Variants in BTRC observed in about 807,000 individuals in gnomAD.
BTRC encodes the protein beta-transducin repeat containing E3 ubiquitin protein ligase.
In BTRC, 42 loss-of-function variants were observed where a neutral mutation model predicts 85.5. The observed-to-expected ratio is 0.49, with a 90% CI of 0.38 to 0.64. BTRC has a LOEUF of 0.64. Ranked by LOEUF, BTRC falls within the 30% of genes least tolerant of loss-of-function variation. BTRC has a pLI of 0.00. For synonymous variants in BTRC, 255 were observed against 263.3 expected (o/e 0.97, Z 0.30); for missense variants, 594 against 743.5 (o/e 0.80, Z 2.34).
intron 4 of BTRC, among the ~76,000 whole-genome samples, chr10:101,508,938 T>TAAAAAAAAAAAAAAAAAAAAAAA (rs1554890315): frequency 4.7e-5 from 5 of 106,546 alleles, no homozygotes; most frequent in Admixed American, 1.9e-4. Flanking sequence ...AAAAAAAAAC[T>TAAAAAAAAAAAAAAAAAAAAAAA]AAAAGTAGAA....
intron 6 of BTRC, among the ~76,000 whole-genome samples, chr10:101,529,560 T>C (rs1208057269): frequency 6.6e-6 from 1 of 152,214 alleles, no homozygotes; most frequent in African/African-American, 2.4e-5. Context: ...TACAGAGAAA[T>C]GTACCATTAA....
At chr10:101,368,754 C>T (rs1050399290) in intron 1 of BTRC, among the ~76,000 whole-genome samples, 141 of 152,186 alleles carry the variant, frequency 9.3e-4, no homozygotes, top group Middle Eastern at 3.4e-3. Context: ...TATAGTGGCT[C>T]ATGCCTGTAA....
chr10:101,481,102 G>GT (rs1945821393), intron 4 of BTRC, among the ~76,000 whole-genome samples: 1 of 151,860 alleles, frequency 6.6e-6, no homozygotes, highest in African/African-American at 2.4e-5. Context: ...TTGGTTTTCG[G>GT]TTTTTTAGAG....
chr10:101,532,923 G>A, intron 8 of BTRC, 29 bp from the exon 9 acceptor site: 1 of 1,539,912 alleles, frequency 6.5e-7, no homozygotes, highest in Non-Finnish European at 9.0e-7. Context: ...TCATCACATT[G>A]ATCAAAAGGA....
intron 2 of BTRC, among the ~76,000 whole-genome samples, chr10:101,438,334 A>G (rs1475535161): frequency 1.3e-5 from 2 of 148,672 alleles, no homozygotes; most frequent in African/African-American, 4.9e-5. Context: ...CTGAGGCAGG[A>G]GAATGGCATG....
At chr10:101,453,746 G>A (rs1945007054) in intron 2 of BTRC, among the ~76,000 whole-genome samples, 1 of 152,160 alleles carries the variant, frequency 6.6e-6, no homozygotes, top group Non-Finnish European at 1.5e-5. Flanking sequence ...CCTGCTGTGT[G>A]CTGCCATCAA....
chr10:101,547,328 C>CTTTTTTTTTTTT (rs71016332), intron 13 of BTRC, among the ~76,000 whole-genome samples: 2 of 79,636 alleles, frequency 2.5e-5, no homozygotes, highest in Non-Finnish European at 2.4e-5. Flanking sequence ...TATGGTTTTT[C>CTTTTTTTTTTTT]TTTTTTTTTT....
In BTRC at chr10:101,505,304, G is replaced by A. The variant is rs368657195; in HGVS notation, c.325-16335G>A. On this transcript the variant is annotated intron_variant, in intron 4 of 14. Transcript: ENST00000370187. Reference sequence around the variant, plus strand: ...CAGGCATGAGCCACCATGCCTGGCCGTTGACTAATACATTTTTAAATAAAC... The same window carrying A: ...CAGGCATGAGCCACCATGCCTGGCCATTGACTAATACATTTTTAAATAAAC... 1.6e-4 allele frequency among the ~76,000 whole-genome samples: 24 copies of A among 149,120 alleles called. No individual in the cohort carries two copies. In the East Asian group the frequency reaches 4.9e-3, roughly 31 times the overall value.
chr10:101,461,946 A>C, intron 2 of BTRC, 35 bp from the exon 3 acceptor site: 1 of 1,467,098 alleles, frequency 6.8e-7, no homozygotes, highest in Non-Finnish European at 9.5e-7. Context: ...ATTGAAGATA[A>C]TGAGAACTGA....
intron 5 of BTRC, among the ~76,000 whole-genome samples, chr10:101,523,206 AAAAT>A (rs527889719): frequency 4.6e-5 from 7 of 152,172 alleles, no homozygotes; most frequent in African/African-American, 7.2e-5. Flanking sequence ...TCCATCTCAG[AAAAT>A]AAATAAATAA....
intron 1 of BTRC, among the ~76,000 whole-genome samples, chr10:101,394,062 G>T (rs932081592): frequency 6.6e-6 from 1 of 152,152 alleles, no homozygotes; most frequent in African/African-American, 2.4e-5. Context: ...TTTATAGAAC[G>T]CAGACATTGT....
In BTRC at chr10:101,505,137, A is replaced by ATATGTATATG. The variant is rs1554889414; in HGVS notation, c.325-16501_325-16500insATGTATATGT. On this transcript the variant is annotated intron_variant, in intron 4 of 14. Transcript: ENST00000370187. ...TTTATATATATATATGTGTATATAT[A>ATATGTATATG]TGTATATATATATGTATATGTATAT... Among the ~76,000 whole-genome samples the ATATGTATATG allele has an allele frequency of 2.0e-3, 236 of 116,932 alleles. 4 individuals are homozygous for ATATGTATATG. In the East Asian group the frequency reaches 0.032, roughly 16 times the overall value. 76.7% of individuals were successfully genotyped at this position (116,932 alleles called of 152,430 possible).
In BTRC at chr10:101,411,639, T is replaced by G. The variant is rs186449051; in HGVS notation, c.49-18706T>G. 1.2e-4 allele frequency among the ~76,000 whole-genome samples: 19 copies of G among 152,274 alleles called. No homozygotes were observed. In the East Asian group the frequency reaches 3.5e-3, roughly 28 times the overall value. ...ATTCTGGAACTTTTTATTTCATTCT[T>G]TTTTTATACCCTACATCACTATGTT... On this transcript the variant is annotated intron_variant, in intron 1 of 14. Transcript: ENST00000370187.
At chr10:101,511,894 G>A (rs1005461716) in intron 4 of BTRC, among the ~76,000 whole-genome samples, 1 of 151,990 alleles carries the variant, frequency 6.6e-6, no homozygotes, top group African/African-American at 2.4e-5. Flanking sequence ...CAAGTGATCT[G>A]TCCGCCTCAG....
chr10:101,540,733 A>G (rs902301424), intron 13 of BTRC, among the ~76,000 whole-genome samples: 1 of 152,174 alleles, frequency 6.6e-6, no homozygotes, highest in African/African-American at 2.4e-5. Context: ...CTGGCCTCAA[A>G]TAGTACTCCT....
intron 2 of BTRC, among the ~76,000 whole-genome samples, chr10:101,440,097 CATT>C (rs1209640639): frequency 7.9e-5 from 12 of 152,104 alleles, no homozygotes; most frequent in African/African-American, 1.2e-4. Context: ...ATGGAAGAAA[CATT>C]ATGCTTATAT....
At chr10:101,381,825 T>G (rs1942935857) in intron 1 of BTRC, among the ~76,000 whole-genome samples, 1 of 152,054 alleles carries the variant, frequency 6.6e-6, no homozygotes, top group South Asian at 2.1e-4. Context: ...TCTGCATGTA[T>G]TTTCTAAGAA....
intron 3 of BTRC, among the ~76,000 whole-genome samples, chr10:101,467,581 T>C (rs1043700979): frequency 6.6e-6 from 1 of 152,100 alleles, no homozygotes; most frequent in African/African-American, 2.4e-5. Flanking sequence ...GTAAATACTT[T>C]CGTTTGGGGT....
intron 2 of BTRC, among the ~76,000 whole-genome samples, chr10:101,449,436 C>T (rs1231536177): frequency 6.6e-6 from 1 of 151,832 alleles, no homozygotes. Context: ...CAAAAATAAC[C>T]AGATGTCCTT....
Sources: allele counts gnomAD v4.1 joint callset (sites outside exome capture counted in the v4.1 genomes callset), GRCh38; gene constraint gnomAD v4.1.1; transcripts MANE v1.5; gene names NCBI Gene and HGNC (gene_info 2026-07-23, HGNC 2026-07-21).